The following LEF1 variants were observed in gnomAD, a reference collection of about 807,000 sequenced individuals.
The protein encoded by LEF1 is lymphoid enhancer binding factor 1, also known as lymphoid enhancer-binding factor 1.
In LEF1, 14 loss-of-function variants were observed where a neutral mutation model predicts 51.2. That is an observed-to-expected ratio of 0.27 (90% confidence interval 0.18 to 0.43). The LOEUF (loss-of-function observed/expected upper bound fraction) is 0.43. LEF1 is among the 20% of genes least tolerant of loss of function. LEF1 has a pLI of 1.00. For missense variants in LEF1, 386 were observed against 512.0 expected (o/e 0.75, Z 2.37); for synonymous variants, 185 against 183.2 (o/e 1.01, Z -0.08).
chr4:108,137,303 C>T (rs9992327), intron 3 of LEF1, among the ~76,000 whole-genome samples: 88,545 of 151,984 alleles, frequency 0.58, 26,411 homozygotes, highest in Middle Eastern at 0.73. Flanking sequence ...AGACTCCACA[C>T]TGGGTGCAGT....
rs1467179209 is a variant in LEF1 at position 108,167,271 on chromosome 4, C to G, written c.213+284G>C. ...AGGCGAAACATTGTGGGTTCCTGCC[C>G]GCGAACCAACCGTTCAGCCACCGAA... is the stretch of plus-strand genomic sequence containing the variant. On this transcript the variant is annotated intron_variant, in intron 1 of 11. Transcript: ENST00000265165. This position sits in a 1 kb window ranked among gnomAD's most constrained non-coding sequence, Gnocchi z 5.7. Among the ~76,000 whole-genome samples, 1 of 151,996 alleles carries G rather than the reference C, an allele frequency of 6.6e-6. No homozygotes were observed. Among genetic ancestry groups the G allele is most frequent in the Non-Finnish European group, 1.5e-5 (1 of 67,992 alleles).
intron 11 of LEF1, among the ~76,000 whole-genome samples, chr4:108,050,511 C>T (rs1736908896): frequency 6.6e-6 from 1 of 152,100 alleles, no homozygotes; most frequent in Admixed American, 6.5e-5. Flanking sequence ...TACGAAGGAC[C>T]CTGCCTTTCT....
In LEF1 at chr4:108,079,486, A is replaced by C. The variant is rs376485339; in HGVS notation, c.845+6T>G. The C allele has an allele frequency of 6.2e-7, 1 of 1,614,064 alleles. No individual in the cohort carries two copies. The highest frequency in any genetic ancestry group is 1.1e-5 in the South Asian group (1 of 91,080). On this transcript the variant is annotated splice_donor_region_variant and intron_variant, in intron 7 of 11. Coordinates refer to ENST00000265165, the MANE Select transcript of LEF1 (RefSeq NM_016269.5). The stretch of plus-strand genomic sequence containing the variant: ...CAATCACAGCAGAGCCCGGGTGGAT[A>C]CTTACACGTGCATTAGGTCACTGTC...
chr4:108,087,110 GA>G (rs1340141078), intron 4 of LEF1, among the ~76,000 whole-genome samples: 6 of 151,832 alleles, frequency 4.0e-5, no homozygotes, highest in Non-Finnish European at 5.9e-5. Context: ...GAGAGAAAAA[GA>G]ATTAAAAGGA....
chr4:108,164,726 G>T (rs1169307918), intron 2 of LEF1, among the ~76,000 whole-genome samples: 1 of 152,092 alleles, frequency 6.6e-6, no homozygotes, highest in Admixed American at 6.6e-5. Flanking sequence ...AACTATTCTG[G>T]TTGGAAAATA....
At chr4:108,156,338 C>T (rs1430426308) in intron 3 of LEF1, among the ~76,000 whole-genome samples, 2 of 152,118 alleles carry the variant, frequency 1.3e-5, no homozygotes, top group Non-Finnish European at 2.9e-5. Flanking sequence ...GTAGTTTTGA[C>T]TTCCTCATTA....
chr4:108,098,213 C>T (rs1471696695), intron 3 of LEF1, among the ~76,000 whole-genome samples: 3 of 152,162 alleles, frequency 2.0e-5, no homozygotes, highest in Non-Finnish European at 2.9e-5. Flanking sequence ...ACAGCCACAC[C>T]TCTCTATTAT....
Position 108,146,218 on chromosome 4 carries a change from T to C in LEF1, c.414+17350A>G, listed in dbSNP as rs575355363. 7.9e-5 allele frequency among the ~76,000 whole-genome samples: 12 copies of C among 152,358 alleles called. No homozygotes were observed. In the South Asian group the frequency reaches 1.2e-3, roughly 16 times the overall value. On this transcript the variant is annotated intron_variant, in intron 3 of 11. Coordinates refer to ENST00000265165, the MANE Select transcript of LEF1 (RefSeq NM_016269.5). ...TGACTTTAAAACACTAAATGTTTGCTCATGAAAAGGAGTATCTGGATGATG... is the reference window on the plus strand; with the variant it reads ...TGACTTTAAAACACTAAATGTTTGCCCATGAAAAGGAGTATCTGGATGATG...
chr4:108,067,990 G>A (rs185821613), intron 9 of LEF1, among the ~76,000 whole-genome samples: 15 of 152,128 alleles, frequency 9.9e-5, no homozygotes, highest in Non-Finnish European at 1.3e-4. Context: ...GCACCGGGCC[G>A]GGCGTGGTGG....
At chr4:108,141,905 A>G (rs1009004675) in intron 3 of LEF1, among the ~76,000 whole-genome samples, 1 of 152,206 alleles carries the variant, frequency 6.6e-6, no homozygotes, top group African/African-American at 2.4e-5. Context: ...GGGGAGGGAA[A>G]TACATTTGCT....
chr4:108,102,746 G>T (rs920159404), intron 3 of LEF1, among the ~76,000 whole-genome samples: 15 of 152,180 alleles, frequency 9.9e-5, no homozygotes, highest in African/African-American at 3.6e-4. Context: ...TAAGTCTCCA[G>T]TAAGTACTTT....
At chr4:108,161,733 T>C (rs1745065971) in intron 3 of LEF1, among the ~76,000 whole-genome samples, 1 of 152,186 alleles carries the variant, frequency 6.6e-6, no homozygotes, top group South Asian at 2.1e-4. Context: ...AAAATTACCA[T>C]TTTGAAAGGA....
chr4:108,128,720 T>C (rs1252373101), intron 3 of LEF1, among the ~76,000 whole-genome samples: 2 of 152,216 alleles, frequency 1.3e-5, no homozygotes, highest in Non-Finnish European at 2.9e-5. Context: ...TTGATTATTA[T>C]AATCCTAATC....
At chr4:108,161,172 G>A (rs1292736192) in intron 3 of LEF1, among the ~76,000 whole-genome samples, 2 of 152,096 alleles carry the variant, frequency 1.3e-5, no homozygotes, top group African/African-American at 2.4e-5. Flanking sequence ...GCTGTCTTCC[G>A]GTTAGTGTTT....
chr4:108,143,119 G>A (rs1176804693), intron 3 of LEF1, among the ~76,000 whole-genome samples: 1 of 152,196 alleles, frequency 6.6e-6, no homozygotes, highest in Non-Finnish European at 1.5e-5. Context: ...TGAATCAACA[G>A]ACCTGGCTGT....
At chr4:108,144,865 C>CAAAAAAAAAAAAAA (rs11394687) in intron 3 of LEF1, among the ~76,000 whole-genome samples, 4 of 41,926 alleles carry the variant, frequency 9.5e-5, no homozygotes, top group African/African-American at 9.9e-5. Flanking sequence ...CCCAACCAGC[C>CAAAAAAAAAAAAAA]AAAAAAAAAA....
At chr4:108,099,236 T>C (rs1740587345) in intron 3 of LEF1, among the ~76,000 whole-genome samples, 1 of 152,098 alleles carries the variant, frequency 6.6e-6, no homozygotes, top group Non-Finnish European at 1.5e-5. Context: ...CATATATGAC[T>C]TGCATTTGTG....
intron 3 of LEF1, among the ~76,000 whole-genome samples, chr4:108,153,047 C>G (rs1560826938): frequency 1.3e-5 from 2 of 152,244 alleles, no homozygotes; most frequent in African/African-American, 2.4e-5. Flanking sequence ...CTTTTCCCTT[C>G]CTCCCTAGCT....
At chr4:108,151,784 C>G (rs1185926744) in intron 3 of LEF1, among the ~76,000 whole-genome samples, 2 of 152,168 alleles carry the variant, frequency 1.3e-5, no homozygotes, top group Non-Finnish European at 2.9e-5. Context: ...ATGAAATGCT[C>G]AAATAATTTC....
Sources: gnomAD v4.1 joint callset for allele counts (sites outside exome capture counted in the v4.1 genomes callset) on GRCh38, gnomAD v4.1.1 for gene constraint, Gnocchi (gnomAD v3.1) non-coding constraint, MANE v1.5 for transcripts, NCBI Gene and HGNC (gene_info 2026-07-23, HGNC 2026-07-21) for gene names.